Variants in NCKAP1 observed in about 807,000 individuals in gnomAD.
The protein encoded by NCKAP1 is NCK associated protein 1.
NCKAP1 carries 21 observed loss-of-function variants against 151.2 expected under a neutral mutation model. The observed-to-expected ratio is 0.14, with a 90% CI of 0.10 to 0.20. The LOEUF is 0.20. Among genes scored for constraint, NCKAP1 ranks in the 10% least tolerant of loss-of-function variants. NCKAP1 has a pLI of 1.00. For missense variants in NCKAP1, 933 were observed against 1,352.1 expected, an observed-to-expected ratio of 0.69 and a Z score of 4.86; for synonymous variants, 484 against 451.8, an observed-to-expected ratio of 1.07 and a Z score of -0.90.
intron 8 of NCKAP1, among the ~76,000 whole-genome samples, chr2:182,990,445 TACTTTC>T (rs530917387): frequency 1.3e-5 from 2 of 152,230 alleles, no homozygotes; most frequent in African/African-American, 2.4e-5. Context: ...TAAAGTCCAA[TACTTTC>T]AATATATTAA....
chr2:182,959,709 T>C (rs1280937671), intron 18 of NCKAP1, among the ~76,000 whole-genome samples: 1 of 152,136 alleles, frequency 6.6e-6, no homozygotes, highest in African/African-American at 2.4e-5. Context: ...ACCACTCCTA[T>C]TCAACACAGT....
chr2:182,975,428 T>C (rs1459011807), intron 15 of NCKAP1, among the ~76,000 whole-genome samples: 1 of 151,920 alleles, frequency 6.6e-6, no homozygotes, highest in Non-Finnish European at 1.5e-5. Context: ...CATTTTGAGG[T>C]TGGAAGGAAA....
chr2:182,964,822 A>G lies in NCKAP1; in HGVS notation c.1629-14T>C. On this transcript the variant is annotated splice_polypyrimidine_tract_variant and intron_variant, in intron 16 of 30. Transcript: ENST00000361354. ...CGACTATAAAAACTATATAAACAAA[A>G]ATCAGAATCACAATTTTTACATTTA... 2 of 1,573,514 alleles carry G rather than the reference A, an allele frequency of 1.3e-6. No homozygotes were observed. The highest frequency in any genetic ancestry group is 1.7e-6 in the Non-Finnish European group (2 of 1,160,786).
intron 1 of NCKAP1, among the ~76,000 whole-genome samples, 184 bp downstream of exon 1, chr2:183,037,808 A>T (rs903205180): frequency 6.6e-6 from 1 of 151,742 alleles, no homozygotes; most frequent in Admixed American, 6.5e-5. Context: ...AACCACAGGG[A>T]GAGGCGCCCG....
At chr2:183,032,293 G>A (rs1319390969) in intron 1 of NCKAP1, among the ~76,000 whole-genome samples, 1 of 152,186 alleles carries the variant, frequency 6.6e-6, no homozygotes, top group Non-Finnish European at 1.5e-5. Flanking sequence ...TACGGAAAAT[G>A]TTTAGAAAAT....
chr2:182,961,023 A>C (rs1311942332), intron 18 of NCKAP1, among the ~76,000 whole-genome samples: 2 of 152,184 alleles, frequency 1.3e-5, no homozygotes, highest in African/African-American at 4.8e-5. Flanking sequence ...AATCAAAAAC[A>C]ACAATGAGAT....
intron 10 of NCKAP1, among the ~76,000 whole-genome samples, chr2:182,985,613 CCAA>C (rs1179223201): frequency 6.6e-6 from 1 of 151,876 alleles, no homozygotes; most frequent in Non-Finnish European, 1.5e-5. Flanking sequence ...ACCAGTCTAG[CCAA>C]CATGGTGAAA....
rs538855948 is a variant in NCKAP1, at chr2:182,984,191, T to C, written c.1005-809A>G. ...TACAAAACTGAATACACAAGAGCTA[T>C]AGTCAATAAAGGTATTGGGATGAGA... On this transcript the variant is annotated intron_variant, in intron 10 of 30. Transcript: ENST00000361354. Among the ~76,000 whole-genome samples, 1,026 of 152,216 alleles carry C rather than the reference T, an allele frequency of 6.7e-3. 13 individuals are homozygous for C. The highest frequency in any genetic ancestry group is 0.024 in the African/African-American group (982 of 41,538).
At position 182,919,338 on chromosome 2, in the gene NCKAP1, G is replaced by A. The variant is rs1237964180; in HGVS notation, c.*6364C>T. 1.3e-5 allele frequency: 2 copies of A among 152,184 alleles called. No individual in the cohort carries two copies. Among genetic ancestry groups the A allele is most frequent in the African/African-American group, 4.8e-5 (2 of 41,432 alleles). The allele number at this position is 152,184 out of a possible 1,614,324, so 9.4% of individuals were successfully genotyped here. ...ATTCAGCATTAACCTGTAAAGTTGT[G>A]TACTACCTGCTCCTCAGCTTCAGCT... On this transcript the variant is annotated 3_prime_UTR_variant, in exon 31 of 31. Coordinates refer to ENST00000361354, the MANE Select transcript of NCKAP1 (RefSeq NM_013436.5).
At chr2:182,960,354 A>C (rs1697420261) in intron 18 of NCKAP1, among the ~76,000 whole-genome samples, 1 of 152,254 alleles carries the variant, frequency 6.6e-6, no homozygotes, top group African/African-American at 2.4e-5. Flanking sequence ...ACAGTAACCA[A>C]AACAGCATGG....
intron 20 of NCKAP1, 131 bp downstream of exon 20, chr2:182,956,331 C>A (rs1057057420): frequency 2.5e-6 from 3 of 1,192,412 alleles, no homozygotes; most frequent in Non-Finnish European, 3.5e-6. Flanking sequence ...TGAGCCACCA[C>A]GCCCGGCCCG....
chr2:183,010,432 C>T (rs1698570796), intron 2 of NCKAP1, among the ~76,000 whole-genome samples: 1 of 152,280 alleles, frequency 6.6e-6, no homozygotes, highest in South Asian at 2.1e-4. Context: ...ACTGCGGTAA[C>T]CTAAAACCAG....
At chr2:183,019,597 T>C (rs1698758359) in intron 2 of NCKAP1, among the ~76,000 whole-genome samples, 1 of 152,034 alleles carries the variant, frequency 6.6e-6, no homozygotes, top group Admixed American at 6.6e-5. Flanking sequence ...AAAGCATTTA[T>C]ATTACAGATA....
intron 26 of NCKAP1, 145 bp from the exon 27 acceptor site, chr2:182,930,933 C>T: frequency 3.1e-6 from 2 of 647,208 alleles, no homozygotes; most frequent in Admixed American, 2.8e-5. Context: ...ACTAAGTATA[C>T]TGAACAACTG....
chr2:182,981,149 T>G, intron 13 of NCKAP1, 95 bp downstream of exon 13: 17 of 1,433,652 alleles, frequency 1.2e-5, no homozygotes, highest in Non-Finnish European at 1.6e-5. Context: ...ACTTGGCACA[T>G]GATATTTCAT....
chr2:183,011,869 T>G (rs1698595953), intron 2 of NCKAP1, among the ~76,000 whole-genome samples: 1 of 152,300 alleles, frequency 6.6e-6, no homozygotes, highest in Non-Finnish European at 1.5e-5. Flanking sequence ...TAATAACATA[T>G]TATTCAGACA....
In NCKAP1 at chr2:182,978,744, AG is replaced by A; in HGVS notation, c.1423+89del. 5 of 687,082 alleles carry A rather than the reference AG, an allele frequency of 7.3e-6. No homozygotes were observed. In the African/African-American group the frequency reaches 9.3e-5, roughly 13 times the overall value. The allele number at this position is 687,082 out of a possible 1,614,324, so 42.6% of individuals were successfully genotyped here. On this transcript the variant is annotated intron_variant, in intron 14 of 30. Coordinates refer to ENST00000361354, the MANE Select transcript of NCKAP1 (RefSeq NM_013436.5). ...TTAAGATAAAAGATAATAGATCATT[AG>A]CCAAATTAATTGGTAAATTATCTCC...
At chr2:182,996,785 A>C (rs544961068) in intron 6 of NCKAP1, among the ~76,000 whole-genome samples, 15 of 152,282 alleles carry the variant, frequency 9.9e-5, no homozygotes, top group Non-Finnish European at 1.8e-4. Context: ...CTGACTGCAC[A>C]CAGAATGCCA....
intron 8 of NCKAP1, 111 bp from the exon 9 acceptor site, chr2:182,989,297 G>A: frequency 2.7e-6 from 2 of 754,706 alleles, no homozygotes; most frequent in Non-Finnish European, 4.2e-6. Flanking sequence ...ACTAAATTGA[G>A]GCTTCTGAGT....
Sources: gnomAD v4.1 joint callset for allele counts (sites outside exome capture counted in the v4.1 genomes callset) on GRCh38, gnomAD v4.1.1 for gene constraint, MANE v1.5 for transcripts, NCBI Gene and HGNC (gene_info 2026-07-23, HGNC 2026-07-21) for gene names.